Variants in ABCA13 observed in about 807,000 individuals in gnomAD.
The protein encoded by ABCA13 is ATP-binding cassette sub-family A member 13.
A neutral mutation model predicts 478.7 loss-of-function variants in ABCA13; 476 were observed. The observed-to-expected ratio is 0.99, with a 90% CI of 0.92 to 1.07. The LOEUF (loss-of-function observed/expected upper bound fraction) is 1.07, where lower values mean the gene tolerates loss of function less well. ABCA13 is among the 50% of genes least tolerant of loss of function. ABCA13 has a pLI of 0.00. For synonymous variants in ABCA13, 2,252 were observed against 2,158.9 expected (o/e 1.04, Z -1.20); for missense variants, 6,060 against 5,910.6 (o/e 1.03, Z -0.83).
In ABCA13 at chr7:48,587,703, G is replaced by A. The variant is rs189098016; in HGVS notation, c.14640+415G>A. Among the ~76,000 whole-genome samples the A allele has an allele frequency of 2.9e-3, 445 of 152,260 alleles. 4 individuals carry two copies. Among genetic ancestry groups the A allele is most frequent in the African/African-American group, 0.01 (416 of 41,542 alleles). ...CTTAAAGATGGGTGTTGAGAGTGAA[G>A]GATGGATATGATGTTGAGAGTAGGG... is the stretch of plus-strand genomic sequence containing the variant. On this transcript the variant is annotated intron_variant, in intron 57 of 61. Transcript: ENST00000435803.
At chr7:48,309,845 T>C (rs2128879134) in intron 23 of ABCA13, 102 bp from the exon 24 acceptor site, 1 of 1,357,128 alleles carries the variant, frequency 7.4e-7, no homozygotes, top group East Asian at 2.4e-5. Flanking sequence ...AGTTGGGAAA[T>C]CCACTCTTGG....
At chr7:48,182,082 T>C (rs1271418353) in intron 1 of ABCA13, among the ~76,000 whole-genome samples, 1 of 152,092 alleles carries the variant, frequency 6.6e-6, no homozygotes, top group Non-Finnish European at 1.5e-5. Flanking sequence ...TAGCTTTCCA[T>C]AGAGTACCTG....
chr7:48,216,104 TG>T, intron 3 of ABCA13, among the ~76,000 whole-genome samples: 1 of 152,358 alleles, frequency 6.6e-6, no homozygotes, highest in African/African-American at 2.4e-5. Context: ...TGTATGTTTT[TG>T]TTTCTCTTGA....
At chr7:48,628,883 A>G (rs997178514) in intron 59 of ABCA13, among the ~76,000 whole-genome samples, 1 of 152,198 alleles carries the variant, frequency 6.6e-6, no homozygotes, top group Non-Finnish European at 1.5e-5. Flanking sequence ...CTAGACTGTA[A>G]AAGACGAATC....
intron 43 of ABCA13, among the ~76,000 whole-genome samples, chr7:48,455,523 C>T (rs13243769): frequency 0.16 from 24,181 of 152,208 alleles, 2,439 homozygotes; most frequent in East Asian, 0.23. Flanking sequence ...GAGCCCCTGA[C>T]CCCTCCTCAT....
intron 20 of ABCA13, among the ~76,000 whole-genome samples, chr7:48,294,971 T>C (rs933140539): frequency 5.3e-5 from 8 of 152,250 alleles, no homozygotes; most frequent in African/African-American, 9.6e-5. Context: ...TTTTGGCTGA[T>C]TCTATATCTT....
At chr7:48,562,107 G>A (rs947839267) in intron 55 of ABCA13, among the ~76,000 whole-genome samples, 11 of 136,690 alleles carry the variant, frequency 8.0e-5, no homozygotes, top group South Asian at 2.2e-4. Context: ...ATATGTATGG[G>A]GGGGGAGGTG....
At chr7:48,171,753 A>G (rs983514453) in intron 1 of ABCA13, among the ~76,000 whole-genome samples, 7 of 152,236 alleles carry the variant, frequency 4.6e-5, no homozygotes, top group Non-Finnish European at 1.0e-4. Context: ...GGATGAAATC[A>G]AGGCTGAAGA....
At position 48,483,129 on chromosome 7, in the gene ABCA13, A is replaced by G; in HGVS notation, c.13148A>G (p.Asn4383Ser). ...LKIPSEAGGA[N>S]GNISKPPTLA... ...ATCCCCAGTGAAGCTGGAGGTGCAA[A>G]TGGAAACATATCAAAACCCCCAACT... Residue 4383 changes from asparagine (N) to serine (S), a missense_variant, in exon 47 of 62, where the codon AAT becomes AGT. Physicochemically the swap from Asn to Ser is conservative, Grantham distance 46. Transcript: ENST00000435803. 8 of 1,613,372 alleles carry G rather than the reference A, an allele frequency of 5.0e-6. No individual in the cohort carries two copies. The highest frequency in any genetic ancestry group is 1.1e-5 in the South Asian group (1 of 90,862).
At chr7:48,559,693 T>A (rs1345503366) in intron 55 of ABCA13, among the ~76,000 whole-genome samples, 1 of 152,208 alleles carries the variant, frequency 6.6e-6, no homozygotes, top group East Asian at 1.9e-4. Context: ...CATGGCATAT[T>A]ACCTGGGTAT....
Position 48,594,758 on chromosome 7 carries a change from C to T in ABCA13, c.14689C>T (p.Gln4897Ter). The T allele has an allele frequency of 6.2e-7, 1 of 1,613,948 alleles. No homozygotes were observed. Among genetic ancestry groups the T allele is most frequent in the Non-Finnish European group, 8.5e-7 (1 of 1,179,844 alleles). ...TCCCTGCTCTAAGCGGTACCTGTGG[C>T]AAACAATAATGAAGGAGGTTCGGGA... Reference protein sequence around the residue: ...MDPCSKRYLWQTIMKEVREGC... With the variant: ...MDPCSKRYLW The change falls in exon 58 of 62, where the codon CAA (glutamine) becomes TAA (stop). Residue 4897 changes from glutamine (Q) to a stop codon, truncating the protein, a stop_gained. Coordinates refer to ENST00000435803, the MANE Select transcript of ABCA13 (RefSeq NM_152701.5). LOFTEE classifies it high-confidence loss of function.
intron 58 of ABCA13, among the ~76,000 whole-genome samples, chr7:48,608,684 C>A (rs1232039955): frequency 6.6e-6 from 1 of 152,252 alleles, no homozygotes; most frequent in Non-Finnish European, 1.5e-5. Flanking sequence ...TCTGCCCTTC[C>A]TGCCAGTAGT....
intron 48 of ABCA13, among the ~76,000 whole-genome samples, chr7:48,504,402 G>A (rs1015269638): frequency 7.9e-5 from 12 of 152,146 alleles, no homozygotes; most frequent in South Asian, 4.1e-4. Flanking sequence ...CTGGCACTGC[G>A]AGGATGGAGT....
chr7:48,313,176 A>G lies in ABCA13; in HGVS notation c.9626A>G (p.Glu3209Gly), dbSNP rs1563027974. 6.2e-7 allele frequency: 1 copy of G among 1,612,798 alleles called. No individual in the cohort carries two copies. The highest frequency in any genetic ancestry group is 2.2e-5 in the East Asian group (1 of 44,838). ...KAQHVFEYLPEFLHTFKITAL... is the reference protein window; with the variant it reads ...KAQHVFEYLPGFLHTFKITAL... ...CAGCACGTCTTTGAGTATCTTCCTG[A>G]GTTTCTTCACACATTTAAAATCACT... Residue 3209 changes from glutamate to glycine, a missense_variant, in exon 25 of 62, where the codon GAG (glutamate) becomes GGG (glycine). By Grantham distance (98) the Glu-to-Gly change is moderately conservative. Around this residue, in one of 3 missense-constraint regions of ABCA13, gnomAD observed 4,423 missense variants for 4,309.1 expected, o/e 1.03. Transcript: ENST00000435803.
rs370104372 is a variant in ABCA13, at chr7:48,246,141, C to T, written c.1659+111C>T. 3.9e-4 allele frequency: 469 copies of T among 1,210,192 alleles called. 1 individual carries two copies. The African/African-American group carries it at 6.5e-3, about 17-fold the overall frequency. 75.0% of individuals were successfully genotyped at this position (1,210,192 alleles called of 1,614,324 possible). On this transcript the variant is annotated intron_variant, in intron 13 of 61. Coordinates refer to ENST00000435803, the MANE Select transcript of ABCA13 (RefSeq NM_152701.5). ...CGATGAGGAAAGTTTTGCCGTAAGC[C>T]CACACACTTAAAGGAAGCTGGCTCT...
chr7:48,424,257 A>G (rs1821127819), intron 41 of ABCA13, among the ~76,000 whole-genome samples: 1 of 152,144 alleles, frequency 6.6e-6, no homozygotes, highest in South Asian at 2.1e-4. Flanking sequence ...TTTTTGCAGT[A>G]TTTTGCATCT....
chr7:48,645,349 C>G (rs1268144357), intron 61 of ABCA13, 68 bp from the exon 62 acceptor site: 1 of 1,280,028 alleles, frequency 7.8e-7, no homozygotes, highest in Non-Finnish European at 1.1e-6. Flanking sequence ...ACAATGTCTC[C>G]TTTCTAATAA....
At chr7:48,538,098 TC>T (rs1225084648) in intron 55 of ABCA13, among the ~76,000 whole-genome samples, 24 of 134,960 alleles carry the variant, frequency 1.8e-4, no homozygotes, top group East Asian at 9.0e-4. Flanking sequence ...TTTCTTTCTT[TC>T]CTTTTTTTTT....
At chr7:48,450,083 A>G (rs1301245023) in intron 42 of ABCA13, among the ~76,000 whole-genome samples, 1 of 152,156 alleles carries the variant, frequency 6.6e-6, no homozygotes, top group East Asian at 1.9e-4. Flanking sequence ...CAAATAGATA[A>G]CCCAGCACCT....
Sources: gnomAD v4.1 joint callset for allele counts (sites outside exome capture counted in the v4.1 genomes callset) on GRCh38, gnomAD v4.1.1 for gene constraint, gnomAD v4.1.1 regional missense constraint, MANE v1.5 for transcripts, NCBI Gene and HGNC (gene_info 2026-07-23, HGNC 2026-07-21) for gene names.